Variants in GRID2 observed in about 807,000 individuals in gnomAD.
GRID2 encodes the protein glutamate ionotropic receptor delta type subunit 2, also known as glutamate receptor ionotropic, delta-2.
In GRID2, 33 loss-of-function variants were observed where a neutral mutation model predicts 114.8. The observed-to-expected ratio is 0.29, with a 90% CI of 0.22 to 0.38. The LOEUF (loss-of-function observed/expected upper bound fraction) is 0.38, where lower values mean the gene tolerates loss of function less well. GRID2 is among the 10% of genes least tolerant of loss of function. The probability of loss-of-function intolerance (pLI) is 1.00; values close to 1 mark genes in which losing one functional copy is unlikely to be tolerated. For synonymous variants in GRID2, 505 were observed against 449.9 expected, an observed-to-expected ratio of 1.12 and a Z score of -1.55; for missense variants, 1,184 against 1,257.7, an observed-to-expected ratio of 0.94 and a Z score of 0.89.
At chr4:93,167,403 G>A (rs1384713474) in intron 4 of GRID2, among the ~76,000 whole-genome samples, 1 of 152,094 alleles carries the variant, frequency 6.6e-6, no homozygotes, top group Admixed American at 6.6e-5. Flanking sequence ...AGGTATGCTA[G>A]TCACCTGGTT....
At chr4:93,752,312 G>T (rs373898160) in intron 14 of GRID2, among the ~76,000 whole-genome samples, 23 of 152,052 alleles carry the variant, frequency 1.5e-4, no homozygotes, top group African/African-American at 4.8e-4. Context: ...AGGAAGTAAT[G>T]ATAACAGAAT....
At chr4:93,703,281 G>A (rs993853741) in intron 14 of GRID2, among the ~76,000 whole-genome samples, 1 of 151,994 alleles carries the variant, frequency 6.6e-6, no homozygotes, top group Non-Finnish European at 1.5e-5. Context: ...GTATATAGTA[G>A]GTGAGTATAT....
intron 8 of GRID2, among the ~76,000 whole-genome samples, chr4:93,272,698 T>G (rs1481834469): frequency 1.3e-5 from 2 of 152,174 alleles, no homozygotes; most frequent in African/African-American, 4.8e-5. Context: ...TATGTAAGAA[T>G]AGATGCCAGC....
At chr4:93,353,242 A>G (rs17020492) in intron 8 of GRID2, among the ~76,000 whole-genome samples, 4,797 of 152,086 alleles carry the variant, frequency 0.032, 112 homozygotes, top group Middle Eastern at 0.075. Flanking sequence ...TTAATAGGAG[A>G]GCTGTCACCA....
chr4:92,612,433 GTT>G (rs757721891), intron 2 of GRID2, among the ~76,000 whole-genome samples: 1 of 151,240 alleles, frequency 6.6e-6, no homozygotes, highest in African/African-American at 2.4e-5. Context: ...TGGTTATTGA[GTT>G]CTCCTTGTTT....
chr4:92,439,864 A>G lies in GRID2; in HGVS notation c.88+135120A>G, dbSNP rs545338893. On this transcript the variant is annotated intron_variant, in intron 1 of 15. Coordinates refer to ENST00000282020, the MANE Select transcript of GRID2 (RefSeq NM_001510.4). ...ATAGCACCAGGAGATATCAGCTGTG[A>G]TGGCTTGGAGAAACAGTGTAAACCG... is the stretch of plus-strand genomic sequence containing the variant. Among the ~76,000 whole-genome samples the G allele has an allele frequency of 4.0e-4, 59 of 145,846 alleles. 3 individuals carry two copies. Among genetic ancestry groups the G allele is most frequent in the African/African-American group, 1.3e-3 (52 of 41,040 alleles).
chr4:92,352,923 C>G (rs1426075738), intron 1 of GRID2, among the ~76,000 whole-genome samples: 1 of 151,808 alleles, frequency 6.6e-6, no homozygotes, highest in East Asian at 1.9e-4. Context: ...TGTCTTCCAT[C>G]AAGTTTGAGT....
Position 92,890,965 on chromosome 4 carries a change from G to C in GRID2, c.245-194030G>C, listed in dbSNP as rs901220540. 2.6e-5 allele frequency among the ~76,000 whole-genome samples: 4 copies of C among 152,150 alleles called. No individual in the cohort carries two copies. The East Asian group carries it at 5.8e-4, about 22-fold the overall frequency. On this transcript the variant is annotated intron_variant, in intron 2 of 15. Coordinates refer to ENST00000282020, the MANE Select transcript of GRID2 (RefSeq NM_001510.4). ...AGGATGAGTTCATGTCCTTTGCAGGGACATGGATGAAGCTGGAAACCATCA... is the reference window on the plus strand; with the variant it reads ...AGGATGAGTTCATGTCCTTTGCAGGCACATGGATGAAGCTGGAAACCATCA...
At chr4:93,200,337 C>T (rs180949637) in intron 4 of GRID2, among the ~76,000 whole-genome samples, 3 of 152,202 alleles carry the variant, frequency 2.0e-5, no homozygotes, top group South Asian at 4.1e-4. Flanking sequence ...GAGGCCGAGG[C>T]GGGCGGATCA....
At chr4:92,582,955 C>T (rs1433612928) in intron 1 of GRID2, among the ~76,000 whole-genome samples, 1 of 151,904 alleles carries the variant, frequency 6.6e-6, no homozygotes, top group Non-Finnish European at 1.5e-5. Flanking sequence ...TAATTACACT[C>T]TAGCCTGGGT....
At chr4:92,949,286 A>G (rs2149131595) in intron 2 of GRID2, among the ~76,000 whole-genome samples, 1 of 152,186 alleles carries the variant, frequency 6.6e-6, no homozygotes, top group East Asian at 1.9e-4. Flanking sequence ...ATTATTAAAG[A>G]TAAAATTTAA....
intron 14 of GRID2, among the ~76,000 whole-genome samples, chr4:93,699,715 A>G (rs1202261426): frequency 6.6e-6 from 1 of 152,126 alleles, no homozygotes; most frequent in Non-Finnish European, 1.5e-5. Context: ...GTCCTGAAAT[A>G]GGAAAAGTTA....
At chr4:92,896,406 A>T (rs997206576) in intron 2 of GRID2, among the ~76,000 whole-genome samples, 8 of 152,136 alleles carry the variant, frequency 5.3e-5, no homozygotes, top group African/African-American at 1.7e-4. Flanking sequence ...TCGCTAATTT[A>T]TTGCCTCTCA....
At chr4:93,091,085 C>T (rs1048886967) in intron 3 of GRID2, among the ~76,000 whole-genome samples, 1 of 152,086 alleles carries the variant, frequency 6.6e-6, no homozygotes, top group Non-Finnish European at 1.5e-5. Context: ...TTTTGTTTGG[C>T]TGCTTTTAAG....
chr4:93,235,068 C>G (rs987971637), intron 7 of GRID2, among the ~76,000 whole-genome samples: 8 of 151,876 alleles, frequency 5.3e-5, no homozygotes, highest in African/African-American at 1.9e-4. Context: ...TTTTCCCCAA[C>G]TTTTCCTAGC....
chr4:93,801,449 A>T (rs1045134688), intron 1 of GRID2, among the ~76,000 whole-genome samples: 1 of 152,054 alleles, frequency 6.6e-6, no homozygotes, highest in African/African-American at 2.4e-5. Context: ...AAGATTTGTC[A>T]CATAAAGTAT....
chr4:93,204,657 A>G (rs1742490505), intron 4 of GRID2, among the ~76,000 whole-genome samples: 1 of 152,124 alleles, frequency 6.6e-6, no homozygotes, highest in African/African-American at 2.4e-5. Context: ...TTTGCCTAAC[A>G]TACTTTAAGA....
At chr4:93,673,701 T>C (rs113249194) in intron 14 of GRID2, among the ~76,000 whole-genome samples, 2 of 152,310 alleles carry the variant, frequency 1.3e-5, no homozygotes, top group Middle Eastern at 3.4e-3. Context: ...AAACAAGCCA[T>C]TGACTTTCGA....
intron 10 of GRID2, among the ~76,000 whole-genome samples, chr4:93,439,034 A>G (rs2149389465): frequency 6.6e-6 from 1 of 152,242 alleles, no homozygotes; most frequent in Admixed American, 6.5e-5. Context: ...ATGGCTGCAT[A>G]GTATTCCATG....
Sources: allele counts gnomAD v4.1 joint callset (sites outside exome capture counted in the v4.1 genomes callset), GRCh38; gene constraint gnomAD v4.1.1; transcripts MANE v1.5; gene names NCBI Gene and HGNC (gene_info 2026-07-23, HGNC 2026-07-21).